Variants in RUNX1 observed in about 807,000 individuals in gnomAD.
The protein encoded by RUNX1 is RUNX family transcription factor 1.
RUNX1 carries 19 observed loss-of-function variants against 42.8 expected under a neutral mutation model. The ratio of observed to expected loss-of-function variants is 0.44; its 90% confidence interval spans 0.31 to 0.65. RUNX1 has a LOEUF of 0.65. Ranked by LOEUF, RUNX1 falls within the 30% of genes least tolerant of loss-of-function variation. The pLI is 0.07. For synonymous variants in RUNX1, 271 were observed against 289.4 expected (o/e 0.94, Z 0.64); for missense variants, 528 against 672.0 (o/e 0.79, Z 2.37).
At chr21:34,912,958 T>C (rs1318900908) in intron 2 of RUNX1, among the ~76,000 whole-genome samples, 1 of 152,134 alleles carries the variant, frequency 6.6e-6, no homozygotes, top group Non-Finnish European at 1.5e-5. Flanking sequence ...AGGCCAGGCG[T>C]GATGGCTCAC....
intron 2 of RUNX1, among the ~76,000 whole-genome samples, chr21:35,044,517 GAGGAAACTAAGGCTCA>G (rs1431938318): frequency 2.0e-5 from 3 of 152,196 alleles, no homozygotes; most frequent in African/African-American, 7.2e-5. Flanking sequence ...CTCTGCAGAT[GAGGAAACTAAGGCTCA>G]AGAGAGAAGT....
chr21:34,929,952 C>G lies in RUNX1; in HGVS notation c.59-36989G>C, dbSNP rs574441268. On this transcript the variant is annotated intron_variant, in intron 2 of 8. Transcript: ENST00000675419. ...CATATATCCCCTTTTAAGTATTAGT[C>G]CCTATAGTAGATGCAAAAGAATAAG... Among the ~76,000 whole-genome samples the G allele has an allele frequency of 1.4e-4, 22 of 151,846 alleles. 1 individual carries two copies. In the South Asian group the frequency reaches 4.6e-3, roughly 32 times the overall value.
chr21:34,963,660 A>G (rs1189138251), intron 2 of RUNX1, among the ~76,000 whole-genome samples: 3 of 152,190 alleles, frequency 2.0e-5, no homozygotes, highest in African/African-American at 7.2e-5. Flanking sequence ...TGTTCAAGCT[A>G]TAGTCCACCC....
chr21:34,845,713 C>T (rs1283833949), intron 6 of RUNX1, among the ~76,000 whole-genome samples: 1 of 151,596 alleles, frequency 6.6e-6, no homozygotes, highest in Non-Finnish European at 1.5e-5. Flanking sequence ...CCAGTCTCTT[C>T]CCCACCCCCA....
At chr21:35,027,768 A>G (rs1310306615) in intron 2 of RUNX1, among the ~76,000 whole-genome samples, 2 of 152,194 alleles carry the variant, frequency 1.3e-5, no homozygotes, top group African/African-American at 4.8e-5. Flanking sequence ...GTTCTTTCCT[A>G]TCAATGAAAC....
At chr21:34,922,259 G>A (rs1337632313) in intron 2 of RUNX1, among the ~76,000 whole-genome samples, 1 of 152,142 alleles carries the variant, frequency 6.6e-6, no homozygotes, top group Non-Finnish European at 1.5e-5. Flanking sequence ...TGCCCTTCCA[G>A]GATTGTCAGG....
intron 2 of RUNX1, among the ~76,000 whole-genome samples, chr21:34,999,987 G>T (rs1172257807): frequency 6.6e-6 from 1 of 152,164 alleles, no homozygotes; most frequent in East Asian, 1.9e-4. Context: ...CACCCAAGAT[G>T]TTGGAGCCAC....
In RUNX1 at chr21:34,918,902, C is replaced by G. The variant is rs1038689877; in HGVS notation, c.59-25939G>C. Among the ~76,000 whole-genome samples the G allele has an allele frequency of 2.6e-5, 4 of 151,700 alleles. No individual in the cohort carries two copies. In the East Asian group the frequency reaches 5.8e-4, roughly 22 times the overall value. On this transcript the variant is annotated intron_variant, in intron 2 of 8. Coordinates refer to ENST00000675419, the MANE Select transcript of RUNX1 (RefSeq NM_001754.5). ...GCCTGGTGACAGAGTGAGATTCTGT[C>G]TCAAAAAAATAAAATACAATAAAAG... is the stretch of plus-strand genomic sequence containing the variant.
intron 2 of RUNX1, among the ~76,000 whole-genome samples, chr21:34,970,264 G>A (rs1472663687): frequency 6.6e-6 from 1 of 152,196 alleles, no homozygotes; most frequent in Non-Finnish European, 1.5e-5. Flanking sequence ...CAGGAGACGT[G>A]GTGGAGAGAT....
intron 2 of RUNX1, among the ~76,000 whole-genome samples, chr21:34,894,636 A>C (rs1449212669): frequency 1.3e-5 from 2 of 152,024 alleles, no homozygotes; most frequent in Non-Finnish European, 2.9e-5. Flanking sequence ...GACAGTGAAC[A>C]ATGAATCTGG....
Position 35,048,842 on chromosome 21 carries a change from C to A in RUNX1, c.58G>T (p.Glu20Ter). 6.2e-7 allele frequency: 1 copy of A among 1,613,006 alleles called. No individual in the cohort carries two copies. Among genetic ancestry groups the A allele is most frequent in the Non-Finnish European group, 8.5e-7 (1 of 1,179,060 alleles). ...TATTACAAGACCAGCATGTACTCAC[C>A]TCTCATGAAGCACTGTGGGTACGAA... is the stretch of plus-strand genomic sequence containing the variant. ...FPSYPQCFMR[E>*]CILGMNPSRD... The change falls in exon 2 of 9, where the codon GAA becomes TAA. Residue 20 changes from glutamate (E) to a stop codon, truncating the protein, a stop_gained and splice_region_variant. Coordinates refer to ENST00000675419, the MANE Select transcript of RUNX1 (RefSeq NM_001754.5). LOFTEE classifies it high-confidence loss of function.
intron 8 of RUNX1, among the ~76,000 whole-genome samples, chr21:34,797,027 C>T (rs141108157): frequency 1.3e-5 from 2 of 152,328 alleles, no homozygotes; most frequent in African/African-American, 2.4e-5. Context: ...TCAAAGCTGT[C>T]GGCCAGGCAG....
At chr21:34,863,103 G>C (rs2057600707) in intron 5 of RUNX1, among the ~76,000 whole-genome samples, 1 of 152,180 alleles carries the variant, frequency 6.6e-6, no homozygotes, top group African/African-American at 2.4e-5. Flanking sequence ...TATTGTTCTT[G>C]ATGAATAGGT....
chr21:34,924,069 C>T (rs1408942123), intron 2 of RUNX1, among the ~76,000 whole-genome samples: 1 of 130,222 alleles, frequency 7.7e-6, no homozygotes, highest in Non-Finnish European at 1.7e-5. Flanking sequence ...CAAGTTGGGG[C>T]CTTTACTCAC....
intron 2 of RUNX1, among the ~76,000 whole-genome samples, chr21:34,930,703 A>T (rs11702214): frequency 1.3e-4 from 20 of 149,178 alleles, no homozygotes; most frequent in Admixed American, 2.7e-4. Flanking sequence ...ACACACACAC[A>T]CTCTCTCTCT....
intron 2 of RUNX1, among the ~76,000 whole-genome samples, chr21:34,957,540 GA>G (rs1301901275): frequency 6.6e-6 from 1 of 152,108 alleles, no homozygotes; most frequent in Admixed American, 6.5e-5. Context: ...TGGGTGCCAT[GA>G]AAAAAATGTC....
chr21:34,888,112 G>C (rs1466120671), intron 3 of RUNX1: 1 of 1,066,226 alleles, frequency 9.4e-7, no homozygotes, highest in African/African-American at 1.6e-5. Flanking sequence ...CTCTTCGGAA[G>C]GCAGCCACTG....
intron 5 of RUNX1, among the ~76,000 whole-genome samples, chr21:34,874,123 TTCTCTCTC>T (rs3831803): frequency 6.2e-5 from 9 of 144,966 alleles, no homozygotes; most frequent in East Asian, 4.0e-4. Context: ...GATATTCTCA[TTCTCTCTC>T]TCTCTCTCTC....
intron 5 of RUNX1, among the ~76,000 whole-genome samples, chr21:34,872,052 C>T (rs1374536340): frequency 6.6e-6 from 1 of 152,136 alleles, no homozygotes; most frequent in Non-Finnish European, 1.5e-5. Flanking sequence ...CCACGTTGGC[C>T]AAGCTGGTCT....
Sources: gnomAD v4.1 joint callset for allele counts (sites outside exome capture counted in the v4.1 genomes callset) on GRCh38, gnomAD v4.1.1 for gene constraint, MANE v1.5 for transcripts, NCBI Gene and HGNC (gene_info 2026-07-23, HGNC 2026-07-21) for gene names.